The following TAFA5 variants were observed in gnomAD, a reference collection of about 807,000 sequenced individuals.
The protein encoded by TAFA5 is chemokine-like protein TAFA-5.
Under a neutral mutation model 15.3 loss-of-function variants are expected in TAFA5, and 6 were observed. That is an observed-to-expected ratio of 0.39 (90% CI 0.21 to 0.77). The LOEUF is 0.77. Among genes scored for constraint, TAFA5 ranks in the 30% least tolerant of loss-of-function variants. TAFA5 has a pLI of 0.41. For synonymous variants in TAFA5, 103 were observed against 80.7 expected, an observed-to-expected ratio of 1.28 and a Z score of -1.48; for missense variants, 161 against 193.1, an observed-to-expected ratio of 0.83 and a Z score of 0.98.
rs76441172 is a variant in TAFA5 at position 48,663,655 on chromosome 22, T to A, written c.262+16909T>A. On this transcript the variant is annotated intron_variant, in intron 2 of 3. Transcript: ENST00000402357. ...TTTCCAGAAATAAGTAATTTGTAAG[T>A]TTTAAATTGCACGTCATTCTGAGTA... 3.9e-5 allele frequency among the ~76,000 whole-genome samples: 6 copies of A among 152,354 alleles called. No homozygotes were observed. In the East Asian group the frequency reaches 1.2e-3, roughly 29 times the overall value.
chr22:48,567,726 A>G (rs112101345), intron 1 of TAFA5, among the ~76,000 whole-genome samples: 3,634 of 152,262 alleles, frequency 0.024, 135 homozygotes, highest in African/African-American at 0.081. Context: ...AACTAAGAGC[A>G]GCTCTTAGTT....
At chr22:48,683,576 C>T (rs1432255960) in intron 2 of TAFA5, among the ~76,000 whole-genome samples, 1 of 152,244 alleles carries the variant, frequency 6.6e-6, no homozygotes, top group East Asian at 1.9e-4. Context: ...TCGCTGGTTC[C>T]TCCACGGCTC....
intron 2 of TAFA5, among the ~76,000 whole-genome samples, chr22:48,670,815 C>T (rs538212436): frequency 2.4e-4 from 36 of 152,310 alleles, no homozygotes; most frequent in African/African-American, 7.9e-4. Flanking sequence ...CATCAGGAGC[C>T]GTGGCTTACT....
Position 48,742,368 on chromosome 22 carries a change from A to G in TAFA5, c.391-7471A>G, listed in dbSNP as rs995679780. On this transcript the variant is annotated intron_variant, in intron 3 of 3. Transcript: ENST00000402357. The surrounding 1 kb of genome is among the most constrained non-coding windows in gnomAD (Gnocchi z 6.2). ...TCACAGCGGAGGACACAGACAGCAG[A>G]GTCAAGCACAGTTTTAGTCAGAGCC... 6.6e-6 allele frequency among the ~76,000 whole-genome samples: 1 copy of G among 152,240 alleles called. No individual in the cohort carries two copies. Among genetic ancestry groups the G allele is most frequent in the Non-Finnish European group, 1.5e-5 (1 of 68,044 alleles).
At chr22:48,661,276 C>T (rs1165202810) in intron 2 of TAFA5, among the ~76,000 whole-genome samples, 3 of 152,188 alleles carry the variant, frequency 2.0e-5, no homozygotes, top group Admixed American at 6.5e-5. Flanking sequence ...CCCTCGGCCC[C>T]GAGCCGCCTC....
chr22:48,645,966 G>T (rs759190453), intron 1 of TAFA5, among the ~76,000 whole-genome samples: 1 of 152,202 alleles, frequency 6.6e-6, no homozygotes, highest in Non-Finnish European at 1.5e-5. Flanking sequence ...ATATGTGTGT[G>T]TGGGCGTGCA....
intron 2 of TAFA5, among the ~76,000 whole-genome samples, chr22:48,660,324 T>C (rs1420628164): frequency 4.6e-5 from 7 of 152,182 alleles, no homozygotes; most frequent in Non-Finnish European, 1.0e-4. Context: ...TGACGGTGGC[T>C]GGATGTGGCT....
chr22:48,608,853 G>A (rs957274128), intron 1 of TAFA5, among the ~76,000 whole-genome samples: 3 of 152,246 alleles, frequency 2.0e-5, no homozygotes, highest in African/African-American at 4.8e-5. Context: ...TGTGCCCCAT[G>A]GCAAAGCTTT....
At chr22:48,661,121 G>A (rs892644923) in intron 2 of TAFA5, among the ~76,000 whole-genome samples, 12 of 152,200 alleles carry the variant, frequency 7.9e-5, no homozygotes, top group African/African-American at 2.9e-4. Flanking sequence ...GCACGTACGG[G>A]GTGTGTGTCC....
At chr22:48,597,714 C>T (rs750309343) in intron 1 of TAFA5, among the ~76,000 whole-genome samples, 2 of 152,260 alleles carry the variant, frequency 1.3e-5, no homozygotes, top group Non-Finnish European at 2.9e-5. Context: ...TTCATCATGC[C>T]CTTCATTGTC....
chr22:48,719,581 C>A (rs1299644019), intron 3 of TAFA5, among the ~76,000 whole-genome samples: 1 of 152,212 alleles, frequency 6.6e-6, no homozygotes, highest in South Asian at 2.1e-4. Flanking sequence ...GGACTGCCCC[C>A]CCTGCATTCT....
At chr22:48,634,165 ATCATTTACTCAT>A in intron 1 of TAFA5, among the ~76,000 whole-genome samples, 1 of 146,250 alleles carries the variant, frequency 6.8e-6, no homozygotes, top group African/African-American at 2.6e-5. Context: ...CACTTATTCA[ATCATTTACTCAT>A]TCACCCACTC....
At chr22:48,511,641 G>T (rs1353167959) in intron 1 of TAFA5, among the ~76,000 whole-genome samples, 1 of 152,158 alleles carries the variant, frequency 6.6e-6, no homozygotes, top group Non-Finnish European at 1.5e-5. Flanking sequence ...GTTCTGCAAG[G>T]CCCAACCCCT....
At position 48,720,782 on chromosome 22, in the gene TAFA5, G is replaced by A. The variant is rs151229315; in HGVS notation, c.390+12938G>A. On this transcript the variant is annotated intron_variant, in intron 3 of 3. Transcript: ENST00000402357. ...CCACAGGGTTCCCTGTGCTCGAGAC[G>A]TATTTCTGAGCAGCACCTTCCAGGG... Among the ~76,000 whole-genome samples, 881 of 152,304 alleles carry A rather than the reference G, an allele frequency of 5.8e-3. 8 individuals carry two copies. The highest frequency in any genetic ancestry group is 0.02 in the African/African-American group (845 of 41,570).
chr22:48,626,176 G>A (rs1926020463), intron 1 of TAFA5, among the ~76,000 whole-genome samples: 1 of 152,210 alleles, frequency 6.6e-6, no homozygotes, highest in African/African-American at 2.4e-5. Context: ...CTTTCTGTGT[G>A]GGCAGAAGTT....
intron 1 of TAFA5, among the ~76,000 whole-genome samples, chr22:48,581,888 C>T (rs1200630968): frequency 1.3e-5 from 2 of 152,136 alleles, no homozygotes; most frequent in African/African-American, 4.8e-5. Context: ...GGCATCCTCA[C>T]CTTATTTACG....
intron 2 of TAFA5, among the ~76,000 whole-genome samples, chr22:48,648,361 C>T (rs956614137): frequency 1.3e-5 from 2 of 152,166 alleles, no homozygotes; most frequent in Non-Finnish European, 2.9e-5. Context: ...ATCCCACCGC[C>T]TCTGCCCAGG....
chr22:48,624,537 C>T (rs1424444754), intron 1 of TAFA5, among the ~76,000 whole-genome samples: 3 of 152,184 alleles, frequency 2.0e-5, no homozygotes, highest in African/African-American at 7.2e-5. Flanking sequence ...TCAGTGTGGA[C>T]TGATAGATGC....
intron 1 of TAFA5, chr22:48,547,017 G>A (rs974190473): frequency 1.3e-5 from 2 of 152,986 alleles, no homozygotes; most frequent in African/African-American, 2.4e-5. Context: ...GAGGAGCTAA[G>A]TTTGATAAAT....
Sources: gnomAD v4.1 joint callset for allele counts (sites outside exome capture counted in the v4.1 genomes callset) on GRCh38, gnomAD v4.1.1 for gene constraint, Gnocchi (gnomAD v3.1) non-coding constraint, MANE v1.5 for transcripts, NCBI Gene and HGNC (gene_info 2026-07-23, HGNC 2026-07-21) for gene names.